The following MARCO variants were observed in gnomAD, a reference collection of about 807,000 sequenced individuals.
The protein encoded by MARCO is macrophage receptor with collagenous structure.
MARCO carries 72 observed loss-of-function variants against 70.0 expected under a neutral mutation model. The ratio of observed to expected loss-of-function variants is 1.03; its 90% CI spans 0.85 to 1.25. The LOEUF is 1.25. Ranked by LOEUF, MARCO falls within the 50% of genes most tolerant of loss-of-function variation. The pLI is 0.00. For synonymous variants in MARCO, 273 were observed against 243.1 expected, an observed-to-expected ratio of 1.12 and a Z score of -1.14; for missense variants, 696 against 659.3, an observed-to-expected ratio of 1.06 and a Z score of -0.61.
chr2:118,973,178 T>G (rs1024110506), intron 4 of MARCO, among the ~76,000 whole-genome samples: 1 of 151,566 alleles, frequency 6.6e-6, no homozygotes, highest in South Asian at 2.1e-4. Context: ...TATAGATGTA[T>G]GTACACAGAG....
chr2:118,986,615 AAGAAAG>A (rs1177189841), intron 12 of MARCO, among the ~76,000 whole-genome samples: 2 of 23,094 alleles, frequency 8.7e-5, no homozygotes, highest in African/African-American at 2.9e-4. Flanking sequence ...GAAAGAAAGA[AAGAAAG>A]AAAGAAAGAA....
chr2:118,990,134 A>C (rs1680592951), intron 12 of MARCO, among the ~76,000 whole-genome samples: 1 of 152,220 alleles, frequency 6.6e-6, no homozygotes, highest in Admixed American at 6.5e-5. Context: ...AAAAACCAAC[A>C]AATACTTGAA....
At chr2:118,984,913 T>C (rs1281209514) in intron 12 of MARCO, among the ~76,000 whole-genome samples, 2 of 152,216 alleles carry the variant, frequency 1.3e-5, no homozygotes, top group Non-Finnish European at 2.9e-5. Context: ...AATAAAATCG[T>C]TAATCTCTCA....
Position 118,942,478 on chromosome 2 carries a change from T to C in MARCO, c.97+81T>C, listed in dbSNP as rs956308894. 9.2e-5 allele frequency: 105 copies of C among 1,139,816 alleles called. 1 individual carries two copies. The highest frequency in any genetic ancestry group is 1.3e-4 in the Non-Finnish European group (99 of 761,804). 70.6% of individuals were successfully genotyped at this position (1,139,816 alleles called of 1,614,324 possible). On this transcript the variant is annotated intron_variant, in intron 1 of 16. Transcript: ENST00000327097. ...CGAGATACGAAAATAGACAAGTCAATAGAAAGTCTAGGTTTGGCTTATTGC... is the reference window on the plus strand; with the variant it reads ...CGAGATACGAAAATAGACAAGTCAACAGAAAGTCTAGGTTTGGCTTATTGC...
intron 1 of MARCO, among the ~76,000 whole-genome samples, chr2:118,964,296 C>T (rs1406153135): frequency 6.6e-6 from 1 of 152,062 alleles, no homozygotes; most frequent in African/African-American, 2.4e-5. Context: ...TAGTATATAT[C>T]CCTATTTTTA....
chr2:118,956,055 A>G lies in MARCO; in HGVS notation c.98-13105A>G, dbSNP rs554522231. On this transcript the variant is annotated intron_variant, in intron 1 of 16. Transcript: ENST00000327097. ...CACACAGGACCTATAAAACAAAAAT[A>G]TAAGTTAAAAAGCAAAATCAAAAAA... is the stretch of plus-strand genomic sequence containing the variant. Among the ~76,000 whole-genome samples the G allele has an allele frequency of 2.0e-5, 3 of 152,370 alleles. No individual in the cohort carries two copies. The South Asian group carries it at 6.2e-4, about 32-fold the overall frequency.
chr2:118,984,834 C>T (rs1052273618), intron 12 of MARCO, among the ~76,000 whole-genome samples: 3 of 152,198 alleles, frequency 2.0e-5, no homozygotes, highest in Non-Finnish European at 1.5e-5. Flanking sequence ...AAACTAAAGC[C>T]ACTGCAGTGC....
Position 118,974,546 on chromosome 2 carries a change from G to C in MARCO, c.594G>C (p.Pro198=), listed in dbSNP as rs562092004. Reference sequence around the variant, plus strand: ...GCCCCTCGGGACCCCAAGGCCCACCGGGAGTCAAGGGAGAGGCGGGTGAGT... The same window carrying C: ...GCCCCTCGGGACCCCAAGGCCCACCCGGAGTCAAGGGAGAGGCGGGTGAGT... ...ATGPSGPQGP[P]GVKGEAGLQG... is the part of the protein sequence containing the mutation. Residue 198 remains proline, a synonymous_variant, in exon 6 of 17, where the codon CCG becomes CCC. Transcript: ENST00000327097. 6.2e-7 allele frequency: 1 copy of C among 1,613,748 alleles called. No individual in the cohort carries two copies. Among genetic ancestry groups the C allele is most frequent in the South Asian group, 1.1e-5 (1 of 90,974 alleles).
At chr2:118,986,746 AAGAG>A (rs776554270) in intron 12 of MARCO, among the ~76,000 whole-genome samples, 1 of 150,888 alleles carries the variant, frequency 6.6e-6, no homozygotes, top group African/African-American at 2.4e-5. Flanking sequence ...AAGAGAAAGA[AAGAG>A]AAAGAAAGAA....
chr2:118,977,508 A>G lies in MARCO; in HGVS notation c.651A>G (p.Gly217=), dbSNP rs1443638525. ...CCCAGGGTGCTCCAGGGAAGCAAGGAGCCACTGGTAACTTGTACTTGCTCT... is the reference window on the plus strand; with the variant it reads ...CCCAGGGTGCTCCAGGGAAGCAAGGGGCCACTGGTAACTTGTACTTGCTCT... ...QGPQGAPGKQ[G]ATGTPGPQGE... Residue 217 remains glycine (G), a synonymous_variant, in exon 7 of 17, where the codon GGA becomes GGG. Transcript: ENST00000327097. The G allele has an allele frequency of 2.5e-6, 4 of 1,613,864 alleles. No individual in the cohort carries two copies. The Admixed American group carries it at 5.0e-5, about 20-fold the overall frequency.
At chr2:118,967,519 G>A (rs1352596957) in intron 1 of MARCO, among the ~76,000 whole-genome samples, 1 of 152,138 alleles carries the variant, frequency 6.6e-6, no homozygotes, top group Non-Finnish European at 1.5e-5. Flanking sequence ...CACTCAGGCT[G>A]CTGTGTGAGC....
rs117219989 is a variant in MARCO, at chr2:118,977,289, T to C, written c.614-182T>C. Among the ~76,000 whole-genome samples the C allele has an allele frequency of 2.4e-3, 358 of 152,110 alleles. 7 individuals carry two copies. In the East Asian group the frequency reaches 0.027, roughly 11 times the overall value. On this transcript the variant is annotated intron_variant, in intron 6 of 16. Coordinates refer to ENST00000327097, the MANE Select transcript of MARCO (RefSeq NM_006770.4). ...GGTTGTGTTTGTGCAATCATATGTG[T>C]GTGATTGTGTGTGTGCATGTGTGTG... is the stretch of plus-strand genomic sequence containing the variant.
At position 118,969,172 on chromosome 2, in the gene MARCO, A is replaced by G. The variant is rs1430704681; in HGVS notation, c.110A>G (p.Lys37Arg). The change falls in exon 2 of 17, where the codon AAG becomes AGG. Residue 37 changes from lysine to arginine, a missense_variant. Lys to Arg is a conservative substitution (Grantham distance 26, BLOSUM62 2). This residue lies in a region of MARCO where 605 missense variants were observed against 537.6 expected (regional missense o/e 1.13). Coordinates refer to ENST00000327097, the MANE Select transcript of MARCO (RefSeq NM_006770.4). ...EPFEINVPKP[K>R]RRNGVNFSLA... The stretch of plus-strand genomic sequence containing the variant: ...GCTTGTGTTTCAGTTCCAAAGCCCA[A>G]GAGGAGAAATGGGGTGAACTTCTCC... 2 of 1,613,420 alleles carry G rather than the reference A, an allele frequency of 1.2e-6. No individual in the cohort carries two copies. Among genetic ancestry groups the G allele is most frequent in the Middle Eastern group, 1.6e-4 (1 of 6,082 alleles).
intron 4 of MARCO, 81 bp downstream of exon 4, chr2:118,971,615 G>A (rs1680173491): frequency 7.0e-7 from 1 of 1,437,928 alleles, no homozygotes; most frequent in Admixed American, 1.9e-5. Flanking sequence ...TGCCATTCTG[G>A]GTCTGGACAG....
chr2:118,974,654 G>T, intron 6 of MARCO, 89 bp downstream of exon 6: 1 of 1,298,322 alleles, frequency 7.7e-7, no homozygotes, highest in Non-Finnish European at 1.1e-6. Context: ...TCCCTCCAGA[G>T]TCTGGACCTC....
At chr2:118,964,084 A>G (rs1190962855) in intron 1 of MARCO, among the ~76,000 whole-genome samples, 1 of 152,188 alleles carries the variant, frequency 6.6e-6, no homozygotes, top group Non-Finnish European at 1.5e-5. Flanking sequence ...GGCTATTGCA[A>G]TATACATACA....
Position 118,970,354 on chromosome 2 carries a change from C to T in MARCO, c.424+16C>T, listed in dbSNP as rs958535671. 5 of 1,588,566 alleles carry T rather than the reference C, an allele frequency of 3.1e-6. No homozygotes were observed. The highest frequency in any genetic ancestry group is 4.3e-6 in the Non-Finnish European group (5 of 1,162,654). On this transcript the variant is annotated intron_variant, in intron 3 of 16. Coordinates refer to ENST00000327097, the MANE Select transcript of MARCO (RefSeq NM_006770.4). ...CAGAACCCAGGTTTGGCCTCCTCCC[C>T]TCTGGGTCAGGACTTCTCAACAGAG... is the stretch of plus-strand genomic sequence containing the variant.
rs370468791 is a variant in MARCO, at chr2:118,993,213, G to A, written c.1342G>A (p.Asp448Asn). The change falls in exon 16 of 17, where the codon GAT (aspartate) becomes AAT (asparagine). Residue 448 changes from aspartate (D) to asparagine (N), a missense_variant. By Grantham distance (23) the Asp-to-Asn change is conservative. Around this residue, in one of 3 missense-constraint regions of MARCO, gnomAD observed 33 missense variants for 59.6 expected, o/e 0.55. Transcript: ENST00000327097. ...YYSGTWGTICDDEWQNSDAIV... is the reference protein window; with the variant it reads ...YYSGTWGTICNDEWQNSDAIV... ...CAGTGGTACCTGGGGGACAATTTGC[G>A]ATGACGAGTGGCAAAATTCTGATGC... 65 of 1,614,140 alleles carry A rather than the reference G, an allele frequency of 4.0e-5. No individual in the cohort carries two copies. The highest frequency in any genetic ancestry group is 1.8e-4 in the East Asian group (8 of 44,872).
chr2:118,957,580 G>A (rs994337483), intron 1 of MARCO, among the ~76,000 whole-genome samples: 1 of 151,986 alleles, frequency 6.6e-6, no homozygotes, highest in Non-Finnish European at 1.5e-5. Context: ...GACATTAAAA[G>A]AAGAATACTA....
Sources: gnomAD v4.1 joint callset for allele counts (sites outside exome capture counted in the v4.1 genomes callset) on GRCh38, gnomAD v4.1.1 for gene constraint, gnomAD v4.1.1 regional missense constraint, MANE v1.5 for transcripts, NCBI Gene and HGNC (gene_info 2026-07-23, HGNC 2026-07-21) for gene names.